Variants in ZNF831 observed in about 807,000 individuals in gnomAD.
ZNF831 encodes chromosome 20 open reading frame 174.
In ZNF831, 59 loss-of-function variants were observed where a neutral mutation model predicts 95.8. That is an observed-to-expected ratio of 0.62 (90% confidence interval 0.50 to 0.77). ZNF831 has a LOEUF of 0.77. ZNF831 is among the 30% of genes least tolerant of loss of function. The probability of loss-of-function intolerance (pLI) is 0.00; values close to 1 mark genes in which losing one functional copy is unlikely to be tolerated. For missense variants in ZNF831, 2,205 were observed against 2,164.0 expected, an observed-to-expected ratio of 1.02 and a Z score of -0.38; for synonymous variants, 961 against 925.5, an observed-to-expected ratio of 1.04 and a Z score of -0.70.
Position 59,232,784 on chromosome 20 carries a change from A to G in ZNF831, c.4028-20194A>G, listed in dbSNP as rs571366867. ...GAGCTGATATCCCAGCTAGTGGGAG[A>G]TGAGCCACGGACCACAGATGAGTGA... On this transcript the variant is annotated intron_variant, in intron 4 of 5. Coordinates refer to ENST00000371030, the MANE Select transcript of ZNF831 (RefSeq NM_178457.3). Among the ~76,000 whole-genome samples, 68 of 152,264 alleles carry G rather than the reference A, an allele frequency of 4.5e-4. 1 individual carries two copies. Among genetic ancestry groups the G allele is most frequent in the African/African-American group, 1.6e-3 (66 of 41,544 alleles).
At chr20:59,156,274 T>C (rs1980535347) in intron 2 of ZNF831, among the ~76,000 whole-genome samples, 1 of 152,176 alleles carries the variant, frequency 6.6e-6, no homozygotes, top group African/African-American at 2.4e-5. Context: ...GGCTCCCGCC[T>C]GTAATCCCAG....
intron 3 of ZNF831, among the ~76,000 whole-genome samples, chr20:59,203,105 C>CT (rs1568766518): frequency 6.6e-6 from 1 of 152,024 alleles, no homozygotes; most frequent in Non-Finnish European, 1.5e-5. Flanking sequence ...CTTTTCATGA[C>CT]TTTTTGGTAT....
chr20:59,240,774 C>G (rs1987289750), intron 4 of ZNF831, among the ~76,000 whole-genome samples: 1 of 152,128 alleles, frequency 6.6e-6, no homozygotes, highest in South Asian at 2.1e-4. Flanking sequence ...TGCACTCCAG[C>G]CTGGGCGACA....
Position 59,191,933 on chromosome 20 carries a change from A to G in ZNF831, c.914A>G (p.Lys305Arg), listed in dbSNP as rs1983578493. The change falls in exon 2 of 6, where the codon AAG (lysine) becomes AGG (arginine). Residue 305 changes from lysine to arginine, a missense_variant. Physicochemically the swap from Lys to Arg is conservative, Grantham distance 26 (BLOSUM62 2). Transcript: ENST00000371030. ...TQPWRKLPEQ[K>R]SPTAGKPCAL... ...CCCTGGCGTAAGTTGCCAGAGCAGA[A>G]GTCGCCGACCGCCGGGAAGCCGTGC... is the stretch of plus-strand genomic sequence containing the variant. 1 of 1,610,328 alleles carries G rather than the reference A, an allele frequency of 6.2e-7. No homozygotes were observed. Among genetic ancestry groups the G allele is most frequent in the African/African-American group, 1.3e-5 (1 of 74,878 alleles).
intron 2 of ZNF831, among the ~76,000 whole-genome samples, chr20:59,149,599 G>A (rs200503643): frequency 6.6e-6 from 1 of 152,184 alleles, no homozygotes; most frequent in Admixed American, 6.5e-5. Context: ...GAAGGAAAAG[G>A]GTTCCCTCCT....
chr20:59,253,795 C>G lies in ZNF831; in HGVS notation c.4189-103C>G, dbSNP rs1988024862. On this transcript the variant is annotated intron_variant, in intron 5 of 5. Transcript: ENST00000371030. ...CACCCTTGGTAAAGAATCATTAAGA[C>G]CTCAAGACCTGTTTTCATTGAGGAC... The G allele has an allele frequency of 3.8e-5, 51 of 1,330,076 alleles. No individual in the cohort carries two copies. In the South Asian group the frequency reaches 6.9e-4, roughly 18 times the overall value. 82.4% of individuals were successfully genotyped at this position (1,330,076 alleles called of 1,614,324 possible).
Position 59,127,802 on chromosome 20 carries a change from G to A in ZNF831, c.-1425+4297G>A, listed in dbSNP as rs115764387. Among the ~76,000 whole-genome samples, 1,115 of 152,372 alleles carry A rather than the reference G, an allele frequency of 7.3e-3. 15 individuals carry two copies. Among genetic ancestry groups the A allele is most frequent in the African/African-American group, 0.025 (1,039 of 41,584 alleles). On this transcript the variant is annotated intron_variant, in intron 1 of 7. Transcript: ENST00000637017. ...AAGCATTTCTCAAATGAGCAAGTATGCCTGCCCGTGGAACTTTTCTGAATT... is the reference window on the plus strand; with the variant it reads ...AAGCATTTCTCAAATGAGCAAGTATACCTGCCCGTGGAACTTTTCTGAATT...
chr20:59,238,718 A>T (rs1053359458), intron 4 of ZNF831, among the ~76,000 whole-genome samples: 3 of 152,254 alleles, frequency 2.0e-5, no homozygotes, highest in Non-Finnish European at 4.4e-5. Context: ...ATGAGCACCA[A>T]GATGAGATCT....
intron 4 of ZNF831, among the ~76,000 whole-genome samples, chr20:59,252,714 T>C (rs1211716781): frequency 1.3e-5 from 2 of 152,216 alleles, no homozygotes; most frequent in Admixed American, 6.5e-5. Flanking sequence ...ACATGAAATA[T>C]AGATATATTT....
intron 4 of ZNF831, among the ~76,000 whole-genome samples, chr20:59,251,855 G>A (rs897291805): frequency 9.8e-5 from 15 of 152,292 alleles, no homozygotes; most frequent in South Asian, 4.1e-4. Context: ...GAAAGGCAAC[G>A]TAATCGTAGT....
intron 1 of ZNF831, among the ~76,000 whole-genome samples, chr20:59,138,366 G>A (rs1486767055): frequency 6.7e-6 from 1 of 149,494 alleles, no homozygotes; most frequent in Non-Finnish European, 1.5e-5. Context: ...CTTTCAGGGT[G>A]CTGAGTGGCT....
At position 59,248,415 on chromosome 20, in the gene ZNF831, T is replaced by C. The variant is rs1399406276; in HGVS notation, c.4028-4563T>C. 2.0e-5 allele frequency among the ~76,000 whole-genome samples: 3 copies of C among 152,258 alleles called. No individual in the cohort carries two copies. The East Asian group carries it at 5.8e-4, about 29-fold the overall frequency. On this transcript the variant is annotated intron_variant, in intron 4 of 5. Coordinates refer to ENST00000371030, the MANE Select transcript of ZNF831 (RefSeq NM_178457.3). ...AGTTTAACACACTTCAGTGACATTA[T>C]TTGAGCATTTTTCACAATTATTAAA...
intron 3 of ZNF831, among the ~76,000 whole-genome samples, chr20:59,202,604 G>T (rs1199289256): frequency 1.3e-5 from 2 of 152,100 alleles, no homozygotes; most frequent in Non-Finnish European, 2.9e-5. Flanking sequence ...GCAGGTGGTG[G>T]GGTAGGGAGT....
chr20:59,172,642 C>T (rs548259809), intron 1 of ZNF831, among the ~76,000 whole-genome samples: 79 of 152,244 alleles, frequency 5.2e-4, no homozygotes, highest in African/African-American at 1.9e-3. Context: ...TCCAGCATTC[C>T]GGCCTCACTA....
At position 59,192,399 on chromosome 20, in the gene ZNF831, G is replaced by A. The variant is rs760314889; in HGVS notation, c.1380G>A (p.Glu460=). 4.3e-6 allele frequency: 7 copies of A among 1,612,106 alleles called. No individual in the cohort carries two copies. In the Admixed American group the frequency reaches 8.3e-5, roughly 19 times the overall value. Residue 460 remains glutamate, a synonymous_variant, in exon 2 of 6, where the codon GAG becomes GAA. Coordinates refer to ENST00000371030, the MANE Select transcript of ZNF831 (RefSeq NM_178457.3). The surrounding 1 kb of genome is among the most constrained non-coding windows in gnomAD (Gnocchi z 5.2). ...DSFHFDIRAL[E]PGRRRAPGPV... ...TCCACTTTGACATCCGCGCGCTGGA[G>A]CCAGGCCGTAGGAGGGCCCCGGGCC...
chr20:59,163,014 GGTGTGTGTGT>G (rs58451639), upstream of ZNF831, among the ~76,000 whole-genome samples: 2 of 136,458 alleles, frequency 1.5e-5, no homozygotes, highest in African/African-American at 2.7e-5. Context: ...TGTATTCCTA[GGTGTGTGTGT>G]GTGTGTGTGT....
intron 1 of ZNF831, among the ~76,000 whole-genome samples, chr20:59,144,498 G>T (rs964537257): frequency 2.0e-5 from 3 of 152,148 alleles, no homozygotes; most frequent in African/African-American, 7.2e-5. Flanking sequence ...AATTAAAAAT[G>T]TCCTCAGACA....
chr20:59,245,864 C>G (rs1987569644), intron 4 of ZNF831, among the ~76,000 whole-genome samples: 2 of 152,176 alleles, frequency 1.3e-5, no homozygotes, highest in Admixed American at 1.3e-4. Flanking sequence ...GTGATCAAAA[C>G]ACGTTCATCT....
chr20:59,151,698 T>C (rs1980246341), intron 2 of ZNF831, among the ~76,000 whole-genome samples: 1 of 152,206 alleles, frequency 6.6e-6, no homozygotes, highest in Non-Finnish European at 1.5e-5. Context: ...AAGTCCTTTA[T>C]GGAGATTTGT....
Sources: gnomAD v4.1 joint callset for allele counts (sites outside exome capture counted in the v4.1 genomes callset) on GRCh38, gnomAD v4.1.1 for gene constraint, Gnocchi (gnomAD v3.1) non-coding constraint, MANE v1.5 for transcripts, NCBI Gene and HGNC (gene_info 2026-07-23, HGNC 2026-07-21) for gene names.